The following IL31RA variants were observed in gnomAD, a reference collection of about 807,000 sequenced individuals.
IL31RA encodes interleukin-31 receptor subunit alpha.
Under a neutral mutation model 83.7 loss-of-function variants are expected in IL31RA, and 66 were observed. That is an observed-to-expected ratio of 0.79 (90% CI 0.65 to 0.97). The LOEUF is 0.97. IL31RA is among the 50% of genes least tolerant of loss of function. The pLI, the probability that IL31RA is intolerant of heterozygous loss-of-function variation, is 0.00. For missense variants in IL31RA, 798 were observed against 919.4 expected, an observed-to-expected ratio of 0.87 and a Z score of 1.71; for synonymous variants, 325 against 329.0, an observed-to-expected ratio of 0.99 and a Z score of 0.13.
At chr5:55,888,054 A>AG (rs1298637500) in intron 5 of IL31RA, among the ~76,000 whole-genome samples, 1 of 151,842 alleles carries the variant, frequency 6.6e-6, no homozygotes. Flanking sequence ...AAAAAAAAAA[A>AG]CAAAAAACCA....
intron 2 of IL31RA, among the ~76,000 whole-genome samples, chr5:55,866,338 A>G (rs1043640972): frequency 1.2e-4 from 19 of 152,144 alleles, no homozygotes; most frequent in African/African-American, 4.6e-4. Flanking sequence ...GACCGGTTTC[A>G]TGGAAGACAA....
In IL31RA at chr5:55,910,570, G is replaced by A. The variant is rs113369650; in HGVS notation, c.1540G>A (p.Glu514Lys). ...TTCCAGCATCTTGCAGTACGGCCTG[G>A]AGTCCCTGAAACGAAAGACCTCTTA... ...VNSSILQYGL[E>K]SLKRKTSYIV... The change falls in exon 12 of 15, where the codon GAG becomes AAG. Residue 514 changes from glutamate (E) to lysine (K), a missense_variant. By Grantham distance (56) the Glu-to-Lys change is moderately conservative (BLOSUM62 1). Transcript: ENST00000652347. 1,247 of 1,614,126 alleles carry A rather than the reference G, an allele frequency of 7.7e-4. 6 individuals are homozygous for A. In the Middle Eastern group the frequency reaches 0.011, roughly 15 times the overall value.
At chr5:55,872,196 C>T (rs757183340) in intron 3 of IL31RA, 74 bp from the exon 4 acceptor site, 4 of 1,099,462 alleles carry the variant, frequency 3.6e-6, no homozygotes, top group African/African-American at 1.6e-5. Flanking sequence ...CAAATTACTG[C>T]TTAATACATT....
At chr5:55,904,092 CT>C (rs1405253910) in intron 8 of IL31RA, among the ~76,000 whole-genome samples, 1 of 152,182 alleles carries the variant, frequency 6.6e-6, no homozygotes, top group Non-Finnish European at 1.5e-5. Flanking sequence ...TTCCTCTTTT[CT>C]TATAAAGGGC....
At chr5:55,916,410 A>C (rs1749782992) in intron 14 of IL31RA, among the ~76,000 whole-genome samples, 1 of 151,976 alleles carries the variant, frequency 6.6e-6, no homozygotes, top group African/African-American at 2.4e-5. Context: ...ACATATAAAT[A>C]AATAAATTTT....
At chr5:55,850,622 G>T (rs977728527), upstream of IL31RA, among the ~76,000 whole-genome samples, 5 of 152,154 alleles carry the variant, frequency 3.3e-5, no homozygotes, top group Non-Finnish European at 5.9e-5. Flanking sequence ...CCCATCTGCT[G>T]TTGGGATGGG....
rs753803498 is a variant in IL31RA at position 55,896,374 on chromosome 5, G to A, written c.797G>A (p.Arg266Lys). 6.2e-7 allele frequency: 1 copy of A among 1,613,694 alleles called. No homozygotes were observed. Among genetic ancestry groups the A allele is most frequent in the Non-Finnish European group, 8.5e-7 (1 of 1,179,626 alleles). Residue 266 changes from arginine (R) to lysine (K), a missense_variant, in exon 7 of 15, where the codon AGA (arginine) becomes AAA (lysine). Arg to Lys is a conservative substitution (Grantham distance 26). Coordinates refer to ENST00000652347, the MANE Select transcript of IL31RA (RefSeq NM_139017.7). ...GCTCCATGTGGCCTGGAACTGTGGA[G>A]AGTCCTGAAACCAGCTGAGGCGGAT... is the stretch of plus-strand genomic sequence containing the variant. ...EEAPCGLELW[R>K]VLKPAEADGR...
In IL31RA at chr5:55,917,745, A is replaced by G. The variant is rs1197307236; in HGVS notation, c.*625A>G. On this transcript the variant is annotated 3_prime_UTR_variant, in exon 15 of 15. Transcript: ENST00000652347. Reference sequence around the variant, plus strand: ...CCGCACCTGAGAATCCTCACCCCCAATTTAGACTGCATTGACTACTAAAAA... The same window carrying G: ...CCGCACCTGAGAATCCTCACCCCCAGTTTAGACTGCATTGACTACTAAAAA... Among the ~76,000 whole-genome samples, 1 of 151,678 alleles carries G rather than the reference A, an allele frequency of 6.6e-6. No homozygotes were observed. Among genetic ancestry groups the G allele is most frequent in the South Asian group, 2.1e-4 (1 of 4,822 alleles).
chr5:55,861,452 A>T (rs541696305), intron 2 of IL31RA, among the ~76,000 whole-genome samples: 1 of 152,324 alleles, frequency 6.6e-6, no homozygotes, highest in African/African-American at 2.4e-5. Context: ...AACTGTGCAT[A>T]TGAGGGATCT....
chr5:55,869,772 C>A (rs994211385), intron 3 of IL31RA, among the ~76,000 whole-genome samples: 1 of 152,188 alleles, frequency 6.6e-6, no homozygotes, highest in African/African-American at 2.4e-5. Flanking sequence ...CCGTGCCTGT[C>A]CTTTTTAACA....
chr5:55,878,466 A>G (rs1746996427), intron 4 of IL31RA, among the ~76,000 whole-genome samples: 1 of 152,046 alleles, frequency 6.6e-6, no homozygotes, highest in Admixed American at 6.5e-5. Context: ...AAAAACAGCT[A>G]CCTCTCCACG....
chr5:55,912,962 T>A (rs1749583936), intron 12 of IL31RA, among the ~76,000 whole-genome samples: 1 of 151,830 alleles, frequency 6.6e-6, no homozygotes, highest in South Asian at 2.1e-4. Context: ...GCAAGACCCA[T>A]CTCAAAAAAA....
chr5:55,847,708 T>TTAC (rs1291913969), upstream of IL31RA, among the ~76,000 whole-genome samples: 8 of 152,218 alleles, frequency 5.3e-5, no homozygotes, highest in African/African-American at 1.9e-4. Flanking sequence ...GAATGGTACA[T>TTAC]TACTATTAGC....
chr5:55,908,309 A>T lies in IL31RA; in HGVS notation c.1399A>T (p.Lys467Ter). The T allele has an allele frequency of 6.2e-7, 1 of 1,614,208 alleles. No individual in the cohort carries two copies. ...GACCAAGGTGGAGAACATTGGCGTG[A>T]AGACGGTCACGATCACATGGAAAGA... ...PETKVENIGV[K>*]TVTITWKEIP... The change falls in exon 11 of 15, where the codon AAG becomes TAG. Residue 467 changes from lysine to a stop codon, truncating the protein, a stop_gained. Coordinates refer to ENST00000652347, the MANE Select transcript of IL31RA (RefSeq NM_139017.7). LOFTEE classifies it high-confidence loss of function.
At chr5:55,852,210 G>T (rs1056143077) in intron 1 of IL31RA, 4 of 152,058 alleles carry the variant, frequency 2.6e-5, no homozygotes, top group Non-Finnish European at 5.8e-5. Context: ...CACTCTTGTC[G>T]CCAGGTTGGA....
intron 6 of IL31RA, among the ~76,000 whole-genome samples, 187 bp downstream of exon 6, chr5:55,890,322 C>G (rs540927457): frequency 6.6e-6 from 1 of 152,252 alleles, no homozygotes; most frequent in South Asian, 2.1e-4. Context: ...CATTTTAATA[C>G]TCATGAGGTT....
At chr5:55,867,979 CA>C (rs1746291291) in intron 2 of IL31RA, among the ~76,000 whole-genome samples, 1 of 151,900 alleles carries the variant, frequency 6.6e-6, no homozygotes, top group African/African-American at 2.4e-5. Flanking sequence ...GGGGCACAAC[CA>C]AACCATATAA....
rs1750025766 is a variant in IL31RA, at chr5:55,920,268, C to T, written c.*3148C>T. On this transcript the variant is annotated 3_prime_UTR_variant, in exon 15 of 15. Transcript: ENST00000652347. The stretch of plus-strand genomic sequence containing the variant: ...AAAGCCTGTGCTGGCCTGTCCACCC[C>T]AGTCTGATTCTGTCCCCATTTCCAG... Among the ~76,000 whole-genome samples the T allele has an allele frequency of 6.6e-6, 1 of 152,244 alleles. No individual in the cohort carries two copies. The highest frequency in any genetic ancestry group is 1.5e-5 in the Non-Finnish European group (1 of 68,042).
intron 4 of IL31RA, among the ~76,000 whole-genome samples, chr5:55,878,581 C>T (rs557506720): frequency 6.6e-6 from 1 of 152,346 alleles, no homozygotes; most frequent in East Asian, 1.9e-4. Flanking sequence ...CTTCTCAGTT[C>T]TTTTCTGAGT....
Sources: allele counts gnomAD v4.1 joint callset (sites outside exome capture counted in the v4.1 genomes callset), GRCh38; gene constraint gnomAD v4.1.1; transcripts MANE v1.5; gene names NCBI Gene and HGNC (gene_info 2026-07-23, HGNC 2026-07-21).